The following ARHGEF39 variants were observed in gnomAD, a reference collection of about 807,000 sequenced individuals.
The protein encoded by ARHGEF39 is Rho guanine nucleotide exchange factor 39.
A neutral mutation model predicts 47.5 loss-of-function variants in ARHGEF39; 45 were observed. The observed-to-expected ratio is 0.95, with a 90% CI of 0.75 to 1.22. ARHGEF39 has a LOEUF of 1.22. ARHGEF39 is among the 50% of genes most tolerant of loss of function. ARHGEF39 has a pLI of 0.00. For synonymous variants in ARHGEF39, 164 were observed against 167.8 expected, an observed-to-expected ratio of 0.98 and a Z score of 0.17; for missense variants, 411 against 425.3, an observed-to-expected ratio of 0.97 and a Z score of 0.30.
intron 3 of ARHGEF39, 75 bp downstream of exon 3, chr9:35,664,297 G>A (rs1159283518): frequency 1.3e-6 from 2 of 1,544,106 alleles, no homozygotes; most frequent in Non-Finnish European, 8.7e-7. Context: ...TATAAATGCA[G>A]GAAATGTATG....
chr9:35,662,380 C>T lies in ARHGEF39; in HGVS notation c.904-113G>A, dbSNP rs1207887222. On this transcript the variant is annotated intron_variant, in intron 7 of 8. Transcript: ENST00000378387. Reference sequence around the variant, plus strand: ...GATGAGACAATGACTAGGTATGAAGCCCGAGCCCCAGCTATCCTCTCTCAA... The same window carrying T: ...GATGAGACAATGACTAGGTATGAAGTCCGAGCCCCAGCTATCCTCTCTCAA... 20 of 1,383,470 alleles carry T rather than the reference C, an allele frequency of 1.4e-5. No individual in the cohort carries two copies. In the Admixed American group the frequency reaches 3.9e-4, roughly 27 times the overall value. The allele number at this position is 1,383,470 out of a possible 1,614,324, so 85.7% of individuals were successfully genotyped here. A position where few individuals can be genotyped will look rare whatever the true frequency, so the allele number is the denominator to read the frequency against.
chr9:35,659,475 G>T lies in ARHGEF39; in HGVS notation c.*2512C>A. ...TTATGAAAGAGAGTTAGGCATTCCA[G>T]TTGACTGAGTTCACTGTGGGATGTG... On this transcript the variant is annotated 3_prime_UTR_variant, in exon 9 of 9. Coordinates refer to ENST00000378387, the MANE Select transcript of ARHGEF39 (RefSeq NM_032818.3). 1 of 152,314 alleles carries T rather than the reference G, an allele frequency of 6.6e-6. No individual in the cohort carries two copies. Among genetic ancestry groups the T allele is most frequent in the Non-Finnish European group, 1.5e-5 (1 of 68,038 alleles). 9.4% of individuals were successfully genotyped at this position (152,314 alleles called of 1,614,324 possible).
rs1823841777 is a variant in ARHGEF39 at position 35,660,239 on chromosome 9, C to T, written c.*1748G>A. On this transcript the variant is annotated 3_prime_UTR_variant, in exon 9 of 9. Coordinates refer to ENST00000378387, the MANE Select transcript of ARHGEF39 (RefSeq NM_032818.3). ...GGGACATAGGACGTCGCTTCATATG[C>T]TGGGTGAGGAGCTAGATAGACTAGG... 6 of 615,484 alleles carry T rather than the reference C, an allele frequency of 9.7e-6. No homozygotes were observed. The highest frequency in any genetic ancestry group is 1.7e-5 in the Non-Finnish European group (6 of 353,656). 38.1% of individuals were successfully genotyped at this position (615,484 alleles called of 1,614,324 possible).
Position 35,659,747 on chromosome 9 carries a change from C to G in ARHGEF39, c.*2240G>C, listed in dbSNP as rs1890593. The G allele has an allele frequency of 0.2, 30,093 of 152,180 alleles. 4,170 individuals are homozygous for G. The highest frequency in any genetic ancestry group is 0.4 in the African/African-American group (16,489 of 41,460). 9.4% of individuals were successfully genotyped at this position (152,180 alleles called of 1,614,324 possible). A position where few individuals can be genotyped will look rare whatever the true frequency, so the allele number is the denominator to read the frequency against. ...CTTCAAATTCCTGAGGGGCTGTCAC[C>G]TTGAGGAGACATTATTTTGGAAGGC... On this transcript the variant is annotated 3_prime_UTR_variant, in exon 9 of 9. Coordinates refer to ENST00000378387, the MANE Select transcript of ARHGEF39 (RefSeq NM_032818.3).
Position 35,665,094 on chromosome 9 carries a change from T to A in ARHGEF39, c.76A>T (p.Thr26Ser). The A allele has an allele frequency of 1.3e-6, 2 of 1,552,266 alleles. No homozygotes were observed. Among genetic ancestry groups the A allele is most frequent in the Non-Finnish European group, 1.7e-6 (2 of 1,148,942 alleles). Residue 26 changes from threonine (T) to serine (S), a missense_variant, in exon 1 of 9, where the codon ACC (threonine) becomes TCC (serine). Physicochemically the swap from Thr to Ser is moderately conservative, Grantham distance 58 (BLOSUM62 1). Transcript: ENST00000378387. ...TCGGTCTCTAGCAGCTCCCGGGCGG[T>A]GCAGGCGCGTTTCCGCTCCCAGCGG... ...RARWERKRAC[T>S]ARELLETERR...
chr9:35,660,982 A>T lies in ARHGEF39; in HGVS notation c.*1005T>A. On this transcript the variant is annotated 3_prime_UTR_variant, in exon 9 of 9. Coordinates refer to ENST00000378387, the MANE Select transcript of ARHGEF39 (RefSeq NM_032818.3). Reference sequence around the variant, plus strand: ...CCTGAGGACTTCTGTTTAAAGGAGGACGAGGAGGAGATTGGTGACAGTCAG... The same window carrying T: ...CCTGAGGACTTCTGTTTAAAGGAGGTCGAGGAGGAGATTGGTGACAGTCAG... 1 of 1,614,100 alleles carries T rather than the reference A, an allele frequency of 6.2e-7. No homozygotes were observed. The highest frequency in any genetic ancestry group is 1.1e-5 in the South Asian group (1 of 91,078).
chr9:35,660,578 C>T lies in ARHGEF39; in HGVS notation c.*1409G>A, dbSNP rs1823869107. 1.2e-6 allele frequency: 2 copies of T among 1,613,992 alleles called. No homozygotes were observed. Among genetic ancestry groups the T allele is most frequent in the Non-Finnish European group, 1.7e-6 (2 of 1,180,012 alleles). The stretch of plus-strand genomic sequence containing the variant: ...CCAGAGCAACAGCTGGCCCAGTTGA[C>T]ACAACAGCTGGCCCAGACAGAGCAG... On this transcript the variant is annotated 3_prime_UTR_variant, in exon 9 of 9. Coordinates refer to ENST00000378387, the MANE Select transcript of ARHGEF39 (RefSeq NM_032818.3).
chr9:35,663,906 G>T lies in ARHGEF39; in HGVS notation c.473+102C>A. ...TTTAGAAGCAATTTGGCTCAGGGTC[G>T]AGGCAAGAGTTTGGGATCGACCCCA... On this transcript the variant is annotated intron_variant, in intron 4 of 8. Coordinates refer to ENST00000378387, the MANE Select transcript of ARHGEF39 (RefSeq NM_032818.3). 2 of 1,263,248 alleles carry T rather than the reference G, an allele frequency of 1.6e-6. 1 individual carries two copies. Among genetic ancestry groups the T allele is most frequent in the South Asian group, 2.5e-5 (2 of 80,306 alleles). 78.3% of individuals were successfully genotyped at this position (1,263,248 alleles called of 1,614,324 possible). A position where few individuals can be genotyped will look rare whatever the true frequency, so the allele number is the denominator to read the frequency against.
chr9:35,661,331 A>G lies in ARHGEF39; in HGVS notation c.*656T>C. 1.7e-6 allele frequency: 1 copy of G among 596,304 alleles called. No homozygotes were observed. Among genetic ancestry groups the G allele is most frequent in the Non-Finnish European group, 2.9e-6 (1 of 345,412 alleles). The allele number at this position is 596,304 out of a possible 1,614,324, so 36.9% of individuals were successfully genotyped here. A position where few individuals can be genotyped will look rare whatever the true frequency, so the allele number is the denominator to read the frequency against. ...TCCAGTGTGACAGCAGAGAAGATAG[A>G]GGGAGCTCCAGCTCTTTTCCTCGTA... On this transcript the variant is annotated 3_prime_UTR_variant, in exon 9 of 9. Coordinates refer to ENST00000378387, the MANE Select transcript of ARHGEF39 (RefSeq NM_032818.3).
chr9:35,659,391 G>A lies in ARHGEF39; in HGVS notation c.*2596C>T, dbSNP rs1042756629. 6.6e-6 allele frequency: 1 copy of A among 152,214 alleles called. No individual in the cohort carries two copies. Among genetic ancestry groups the A allele is most frequent in the African/African-American group, 2.4e-5 (1 of 41,448 alleles). The allele number at this position is 152,214 out of a possible 1,614,324, so 9.4% of individuals were successfully genotyped here. On this transcript the variant is annotated 3_prime_UTR_variant, in exon 9 of 9. Coordinates refer to ENST00000378387, the MANE Select transcript of ARHGEF39 (RefSeq NM_032818.3). ...GATGAACTTTGAGAAGGATAGACTA[G>A]TAAATTCTGTTCTTGGACCTGAGTA...
At chr9:35,664,638 G>GC in intron 2 of ARHGEF39, 118 bp downstream of exon 2, 1 of 1,472,778 alleles carries the variant, frequency 6.8e-7, no homozygotes, top group South Asian at 1.4e-5. Flanking sequence ...CTGGGCCAAG[G>GC]CCACAGGTGA....
rs754229259 is a variant in ARHGEF39 at position 35,662,709 on chromosome 9, C to G, written c.706G>C (p.Val236Leu). 4.5e-6 allele frequency: 7 copies of G among 1,570,760 alleles called. No homozygotes were observed. The Admixed American group carries it at 1.1e-4, about 26-fold the overall frequency. The change falls in exon 7 of 9, where the codon GTG becomes CTG. Residue 236 changes from valine to leucine, a missense_variant. Physicochemically the swap from Val to Leu is conservative, Grantham distance 32. Transcript: ENST00000378387. ...RWFLRQGWLLVVPPHGEPRPR... is the reference protein window; with the variant it reads ...RWFLRQGWLLLVPPHGEPRPR... The stretch of plus-strand genomic sequence containing the variant: ...CGAGGCTCCCCATGGGGAGGCACCA[C>G]TAACAGCCAGCCCTGGCGTAGGAAC...
In ARHGEF39 at chr9:35,664,080, T is replaced by C; in HGVS notation, c.401A>G (p.Gln134Arg). Reference sequence around the variant, plus strand: ...GCCCCCAAACTCAGGGCGGCCTTCCTGAAGCCGTACAAACCTCCGGAAACC... The same window carrying C: ...GCCCCCAAACTCAGGGCGGCCTTCCCGAAGCCGTACAAACCTCCGGAAACC... Reference protein sequence around the residue: ...NKGFRRFVRLQEGRPEFGGLQ... With the variant: ...NKGFRRFVRLREGRPEFGGLQ... Residue 134 changes from glutamine (Q) to arginine (R), a missense_variant, in exon 4 of 9, where the codon CAG becomes CGG. Physicochemically the swap from Gln to Arg is conservative, Grantham distance 43 (BLOSUM62 1). Coordinates refer to ENST00000378387, the MANE Select transcript of ARHGEF39 (RefSeq NM_032818.3). The C allele has an allele frequency of 6.2e-7, 1 of 1,614,132 alleles. No homozygotes were observed. The highest frequency in any genetic ancestry group is 8.5e-7 in the Non-Finnish European group (1 of 1,179,970).
Position 35,660,929 on chromosome 9 carries a change from TC to T in ARHGEF39, c.*1057del, listed in dbSNP as rs1823902881. On this transcript the variant is annotated 3_prime_UTR_variant, in exon 9 of 9. Transcript: ENST00000378387. ...CTGAAACTGGAACATTCCTGATCTC[TC>T]CCCACACAGAGGCCAGCAGACCTCT... 1 of 1,613,988 alleles carries T rather than the reference TC, an allele frequency of 6.2e-7. No homozygotes were observed. The highest frequency in any genetic ancestry group is 1.3e-5 in the African/African-American group (1 of 74,904).
rs569537204 is a variant in ARHGEF39 at position 35,662,744 on chromosome 9, G to A, written c.674-3C>T. ...GCCCTGGCGTAGGAACCAGCGCCCT[G>A]GGGGATGGGAGCGCTGTTATTCTGG... On this transcript the variant is annotated splice_region_variant and splice_polypyrimidine_tract_variant and intron_variant, in intron 6 of 8. Coordinates refer to ENST00000378387, the MANE Select transcript of ARHGEF39 (RefSeq NM_032818.3). The A allele has an allele frequency of 1.9e-6, 3 of 1,555,344 alleles. No homozygotes were observed. The South Asian group carries it at 3.5e-5, about 18-fold the overall frequency.
intron 6 of ARHGEF39, 45 bp from the exon 7 acceptor site, chr9:35,662,786 A>G (rs757181015): frequency 1.4e-5 from 22 of 1,530,798 alleles, no homozygotes; most frequent in South Asian, 3.7e-5. Flanking sequence ...TTCAAGATAC[A>G]TGGGAATAAG....
Position 35,664,864 on chromosome 9 carries a change from G to T in ARHGEF39, c.139-14C>A, listed in dbSNP as rs749153440. ...CCCCAAAAAGTACTGCGGAAGGAGA[G>T]AACATTGGTTCTTAGCCTAGAGGAA... On this transcript the variant is annotated splice_polypyrimidine_tract_variant and intron_variant, in intron 1 of 8. Transcript: ENST00000378387. 2 of 1,605,426 alleles carry T rather than the reference G, an allele frequency of 1.2e-6. No homozygotes were observed. The highest frequency in any genetic ancestry group is 2.2e-5 in the South Asian group (2 of 91,012).
Position 35,662,991 on chromosome 9 carries a change from C to G in ARHGEF39, c.628G>C (p.Val210Leu), listed in dbSNP as rs766928358. The G allele has an allele frequency of 3.1e-6, 5 of 1,610,260 alleles. No homozygotes were observed. In the Middle Eastern group the frequency reaches 5.0e-4, roughly 160 times the overall value. ...TGGCGTCCACTGAGCAGAGCCTGGA[C>G]ACGCCGAAGGTGCTGGTCATTCTTC... is the stretch of plus-strand genomic sequence containing the variant. ...KQKNDQHLRR[V>L]QALLSGRQAK... The change falls in exon 6 of 9, where the codon GTC becomes CTC. Residue 210 changes from valine (V) to leucine (L), a missense_variant. By Grantham distance (32) the Val-to-Leu change is conservative. Coordinates refer to ENST00000378387, the MANE Select transcript of ARHGEF39 (RefSeq NM_032818.3).
At chr9:35,664,695 T>C in intron 2 of ARHGEF39, 61 bp downstream of exon 2, 1 of 1,540,344 alleles carries the variant, frequency 6.5e-7, no homozygotes, top group Non-Finnish European at 8.7e-7. Context: ...CTCCAAGCTC[T>C]GTGCACGGCC....
Sources: gnomAD v4.1 joint callset for allele counts on GRCh38, gnomAD v4.1.1 for gene constraint, MANE v1.5 for transcripts, NCBI Gene and HGNC (gene_info 2026-07-23, HGNC 2026-07-21) for gene names.